OTUD7A: variants seen among roughly 807,000 people sequenced by gnomAD.
OTUD7A encodes the protein OTU deubiquitinase 7A, also known as OTU domain-containing protein 7A.
OTUD7A carries 12 observed loss-of-function variants against 65.7 expected under a neutral mutation model. The observed-to-expected ratio is 0.18, with a 90% CI of 0.12 to 0.30. The LOEUF is 0.30. Ranked by LOEUF, OTUD7A falls within the 10% of genes least tolerant of loss-of-function variation. OTUD7A has a pLI of 1.00. For missense variants in OTUD7A, 1,148 were observed against 1,304.8 expected (o/e 0.88, Z 1.85); for synonymous variants, 641 against 586.3 (o/e 1.09, Z -1.35).
intron 1 of OTUD7A, chr15:31,768,140 G>A (rs1052540070): frequency 7.5e-5 from 119 of 1,587,730 alleles, no homozygotes; most frequent in Non-Finnish European, 1.0e-4. Flanking sequence ...AAAAGATGTG[G>A]TAACTTCATT....
chr15:31,740,051 G>A (rs1429010563), intron 1 of OTUD7A, among the ~76,000 whole-genome samples: 2 of 152,214 alleles, frequency 1.3e-5, no homozygotes, highest in African/African-American at 2.4e-5. Flanking sequence ...CTACTACCAC[G>A]GTGAAAAGAC....
At chr15:31,509,898 A>AT (rs1183762632) in intron 8 of OTUD7A, among the ~76,000 whole-genome samples, 8 of 138,904 alleles carry the variant, frequency 5.8e-5, no homozygotes, top group Non-Finnish European at 1.3e-4. Context: ...TTTTCTAGTT[A>AT]TTTTTTTACT....
At chr15:31,587,894 A>T (rs997192650) in intron 3 of OTUD7A, among the ~76,000 whole-genome samples, 1 of 151,596 alleles carries the variant, frequency 6.6e-6, no homozygotes, top group Admixed American at 6.6e-5. Context: ...CATTCTCAAA[A>T]TATCTGCACT....
At position 31,722,125 on chromosome 15, in the gene OTUD7A, T is replaced by C. The variant is rs549733300; in HGVS notation, c.-99-65048A>G. ...ATCAGCCCTTGCAGGTTCTGGTTATTGAGCCATGACATACCATAGGGAGTG... is the reference window on the plus strand; with the variant it reads ...ATCAGCCCTTGCAGGTTCTGGTTATCGAGCCATGACATACCATAGGGAGTG... On this transcript the variant is annotated intron_variant, in intron 1 of 12. Transcript: ENST00000307050. 5.3e-5 allele frequency among the ~76,000 whole-genome samples: 8 copies of C among 152,316 alleles called. No homozygotes were observed. In the South Asian group the frequency reaches 1.7e-3, roughly 32 times the overall value.
chr15:31,618,098 G>C (rs1344525420), intron 3 of OTUD7A, among the ~76,000 whole-genome samples: 1 of 152,114 alleles, frequency 6.6e-6, no homozygotes, highest in Non-Finnish European at 1.5e-5. Context: ...TCCCTACAAA[G>C]GACATGAACT....
chr15:31,631,772 G>A (rs2141250323), intron 3 of OTUD7A, among the ~76,000 whole-genome samples: 1 of 152,230 alleles, frequency 6.6e-6, no homozygotes, highest in African/African-American at 2.4e-5. Context: ...ATATTTCTTG[G>A]AGGCTTTGTT....
At chr15:31,798,070 G>A (rs1434585792) in intron 1 of OTUD7A, among the ~76,000 whole-genome samples, 3 of 152,038 alleles carry the variant, frequency 2.0e-5, no homozygotes, top group African/African-American at 7.2e-5. Flanking sequence ...TTCTTATAAA[G>A]ACATCAGTCA....
In OTUD7A at chr15:31,606,320, T is replaced by C. The variant is rs79337272; in HGVS notation, c.152-36123A>G. On this transcript the variant is annotated intron_variant, in intron 3 of 12. Coordinates refer to ENST00000307050, the MANE Select transcript of OTUD7A (RefSeq NM_001382637.1). ...GAGACGAAGTGGTGCAGAACTGAGG[T>C]AGGTTTCAGAGGCCTCCGTTATGAA... 9.1e-3 allele frequency among the ~76,000 whole-genome samples: 1,388 copies of C among 152,274 alleles called. 31 individuals are homozygous for C. The highest frequency in any genetic ancestry group is 0.032 in the African/African-American group (1,335 of 41,556).
chr15:31,538,208 G>A (rs57096428), intron 5 of OTUD7A, among the ~76,000 whole-genome samples: 4,213 of 152,286 alleles, frequency 0.028, 198 homozygotes, highest in African/African-American at 0.095. Context: ...GTGGCCTGAT[G>A]CGGCCACAGC....
intron 1 of OTUD7A, among the ~76,000 whole-genome samples, chr15:31,761,671 G>A (rs981351879): frequency 6.6e-6 from 1 of 152,100 alleles, no homozygotes; most frequent in Admixed American, 6.6e-5. Flanking sequence ...CTACTCCTAG[G>A]TATATACCAA....
At chr15:31,858,717 C>G (rs1897642882) in intron 1 of OTUD7A, among the ~76,000 whole-genome samples, 2 of 152,234 alleles carry the variant, frequency 1.3e-5, no homozygotes, top group Admixed American at 1.3e-4. Flanking sequence ...CACTGCACAC[C>G]ACCAACCCGG....
chr15:31,624,257 G>A (rs1017191323), intron 3 of OTUD7A, among the ~76,000 whole-genome samples: 4 of 152,170 alleles, frequency 2.6e-5, no homozygotes, highest in African/African-American at 9.7e-5. Flanking sequence ...TAAAATCAGT[G>A]GTACTTATCC....
chr15:31,754,116 A>G (rs1894742111), intron 1 of OTUD7A, among the ~76,000 whole-genome samples: 1 of 152,036 alleles, frequency 6.6e-6, no homozygotes, highest in South Asian at 2.1e-4. Context: ...TCTGCTCATT[A>G]GTGATGTTGA....
At chr15:31,630,156 C>T (rs900662561) in intron 3 of OTUD7A, among the ~76,000 whole-genome samples, 1 of 148,484 alleles carries the variant, frequency 6.7e-6, no homozygotes, top group African/African-American at 2.5e-5. Flanking sequence ...TTTGCTCTTG[C>T]TTTTCTAGTT....
At chr15:31,525,716 T>C (rs972508325) in intron 8 of OTUD7A, among the ~76,000 whole-genome samples, 2 of 152,228 alleles carry the variant, frequency 1.3e-5, no homozygotes, top group African/African-American at 4.8e-5. Context: ...CGGCCAAGGC[T>C]CTATGGCTGC....
chr15:31,783,633 G>A (rs1895598893), intron 1 of OTUD7A, among the ~76,000 whole-genome samples: 1 of 152,192 alleles, frequency 6.6e-6, no homozygotes, highest in South Asian at 2.1e-4. Context: ...AAGTGTTCCT[G>A]ATATTCTAAG....
intron 1 of OTUD7A, among the ~76,000 whole-genome samples, chr15:31,850,867 C>T (rs539654213): frequency 6.6e-6 from 1 of 152,144 alleles, no homozygotes; most frequent in South Asian, 2.1e-4. Flanking sequence ...GAAGCCAAGC[C>T]AAAAATGAGG....
At chr15:31,646,504 A>G (rs974326838) in intron 3 of OTUD7A, among the ~76,000 whole-genome samples, 2 of 142,846 alleles carry the variant, frequency 1.4e-5, no homozygotes, top group African/African-American at 5.2e-5. Flanking sequence ...TCTGTTGCCC[A>G]GGCTGGAGTA....
At chr15:31,701,685 C>T (rs2141328511) in intron 1 of OTUD7A, among the ~76,000 whole-genome samples, 1 of 151,348 alleles carries the variant, frequency 6.6e-6, no homozygotes, top group African/African-American at 2.4e-5. Context: ...AAGAAATGTC[C>T]AGGCCTAGAT....
Sources: allele counts gnomAD v4.1 joint callset (sites outside exome capture counted in the v4.1 genomes callset), GRCh38; gene constraint gnomAD v4.1.1; transcripts MANE v1.5; gene names NCBI Gene and HGNC (gene_info 2026-07-23, HGNC 2026-07-21).